The following NMNAT3 variants were observed in gnomAD, a reference collection of about 807,000 sequenced individuals.
NMNAT3 encodes the protein nicotinamide nucleotide adenylyltransferase 3, also known as nicotinamide/nicotinic acid mononucleotide adenylyltransferase 3.
A neutral mutation model predicts 24.8 loss-of-function variants in NMNAT3; 21 were observed. The observed-to-expected ratio is 0.85, with a 90% CI of 0.60 to 1.22. NMNAT3 has a LOEUF of 1.22. NMNAT3 is among the 50% of genes most tolerant of loss of function. NMNAT3 has a pLI of 0.00. For missense variants in NMNAT3, 387 were observed against 436.6 expected (o/e 0.89, Z 1.01); for synonymous variants, 136 against 155.2 (o/e 0.88, Z 0.92).
intron 5 of NMNAT3, among the ~76,000 whole-genome samples, chr3:139,575,036 T>C (rs1266116924): frequency 1.3e-5 from 2 of 152,142 alleles, no homozygotes; most frequent in African/African-American, 4.8e-5. Flanking sequence ...CCAGCCCATA[T>C]ACAGAAAGAG....
chr3:139,661,262 A>G (rs1003822670), intron 1 of NMNAT3, among the ~76,000 whole-genome samples: 4 of 152,244 alleles, frequency 2.6e-5, no homozygotes, highest in Non-Finnish European at 4.4e-5. Context: ...GATTTGCCTT[A>G]CCACGGGCAA....
chr3:139,670,572 G>A (rs1359662693), intron 1 of NMNAT3, among the ~76,000 whole-genome samples: 2 of 152,212 alleles, frequency 1.3e-5, no homozygotes, highest in African/African-American at 4.8e-5. Flanking sequence ...TTAGCCAATT[G>A]AATGAGTTTA....
At chr3:139,633,673 C>T (rs928029715) in intron 2 of NMNAT3, among the ~76,000 whole-genome samples, 4 of 152,066 alleles carry the variant, frequency 2.6e-5, no homozygotes, top group African/African-American at 7.2e-5. Context: ...CAAGGCACAG[C>T]GCTGCGAAGG....
At chr3:139,626,080 A>C (rs2056037751) in intron 3 of NMNAT3, among the ~76,000 whole-genome samples, 1 of 151,946 alleles carries the variant, frequency 6.6e-6, no homozygotes, top group African/African-American at 2.4e-5. Flanking sequence ...AGATTTGATT[A>C]TTATATTTTT....
At chr3:139,642,296 T>C (rs2056732598) in intron 1 of NMNAT3, among the ~76,000 whole-genome samples, 1 of 152,232 alleles carries the variant, frequency 6.6e-6, no homozygotes, top group Non-Finnish European at 1.5e-5. Context: ...CAAAGAGATA[T>C]ACCTCAAGAG....
chr3:139,642,611 G>T (rs1001324264), intron 1 of NMNAT3, among the ~76,000 whole-genome samples: 2 of 152,184 alleles, frequency 1.3e-5, no homozygotes, highest in African/African-American at 4.8e-5. Flanking sequence ...AGGGTAAGCT[G>T]CCTCCAGAAC....
chr3:139,594,558 C>G (rs1278800239), intron 3 of NMNAT3, among the ~76,000 whole-genome samples: 2 of 152,142 alleles, frequency 1.3e-5, no homozygotes, highest in African/African-American at 4.8e-5. Flanking sequence ...ATGCAAAAAT[C>G]CTCAATAAAA....
At chr3:139,574,534 C>T (rs909473317) in intron 5 of NMNAT3, among the ~76,000 whole-genome samples, 3 of 152,222 alleles carry the variant, frequency 2.0e-5, no homozygotes, top group African/African-American at 7.2e-5. Context: ...AACCATTATA[C>T]ACCCCTTCTT....
At chr3:139,601,063 C>G (rs1004699389) in intron 3 of NMNAT3, among the ~76,000 whole-genome samples, 12 of 152,202 alleles carry the variant, frequency 7.9e-5, no homozygotes, top group African/African-American at 2.7e-4. Flanking sequence ...GGAAGAAAGG[C>G]AGCCAGGGAG....
chr3:139,646,196 G>A (rs2056865381), intron 1 of NMNAT3, among the ~76,000 whole-genome samples: 1 of 152,162 alleles, frequency 6.6e-6, no homozygotes, highest in South Asian at 2.1e-4. Context: ...AAAAGTATCA[G>A]TGTTTAGTGT....
At chr3:139,675,006 A>T (rs768055447) in intron 1 of NMNAT3, among the ~76,000 whole-genome samples, 8 of 152,144 alleles carry the variant, frequency 5.3e-5, no homozygotes, top group Non-Finnish European at 1.0e-4. Context: ...AAGTCACACG[A>T]GCAATTTTAT....
rs535567675 is a variant in NMNAT3 at position 139,631,960 on chromosome 3, G to GT, written c.-40-4197dup. ...CTTAGAGGTTTTTTATTTTTTATTT[G>GT]TTTTTTTAAGAGACAGGGTCCCACT... is the stretch of plus-strand genomic sequence containing the variant. On this transcript the variant is annotated intron_variant, in intron 2 of 6. Transcript: ENST00000643695. Among the ~76,000 whole-genome samples, 69 of 151,946 alleles carry GT rather than the reference G, an allele frequency of 4.5e-4. 1 individual carries two copies. In the East Asian group the frequency reaches 0.011, roughly 25 times the overall value.
intron 3 of NMNAT3, among the ~76,000 whole-genome samples, chr3:139,619,359 T>C (rs1313573119): frequency 6.6e-6 from 1 of 152,254 alleles, no homozygotes; most frequent in East Asian, 1.9e-4. Context: ...AAGAGGGTGA[T>C]TGAGGTCATA....
chr3:139,591,547 C>A (rs1369823900), intron 3 of NMNAT3, among the ~76,000 whole-genome samples: 1 of 152,206 alleles, frequency 6.6e-6, no homozygotes, highest in African/African-American at 2.4e-5. Context: ...CAGCAGTAAC[C>A]TCTGCAGACT....
intron 2 of NMNAT3, among the ~76,000 whole-genome samples, chr3:139,630,799 T>A (rs756060128): frequency 9.2e-5 from 14 of 152,022 alleles, no homozygotes; most frequent in Non-Finnish European, 1.9e-4. Context: ...CCCAGGGAGG[T>A]TGGATGGTTT....
intron 3 of NMNAT3, among the ~76,000 whole-genome samples, chr3:139,589,998 T>C (rs1252801590): frequency 6.6e-6 from 1 of 151,910 alleles, no homozygotes; most frequent in African/African-American, 2.4e-5. Flanking sequence ...GCACAGAGAA[T>C]CCCCAGGGAG....
intron 1 of NMNAT3, among the ~76,000 whole-genome samples, chr3:139,676,547 C>A (rs1158081714): frequency 1.3e-5 from 2 of 152,176 alleles, no homozygotes; most frequent in African/African-American, 4.8e-5. Flanking sequence ...AACAGAGAAG[C>A]TTTCCCCTGC....
At chr3:139,630,342 C>T (rs941193865) in intron 2 of NMNAT3, among the ~76,000 whole-genome samples, 1 of 152,182 alleles carries the variant, frequency 6.6e-6, no homozygotes, top group African/African-American at 2.4e-5. Context: ...ACTGGATTAA[C>T]TAATTCACTG....
At position 139,633,463 on chromosome 3, in the gene NMNAT3, A is replaced by C. The variant is rs541223468; in HGVS notation, c.-41+4500T>G. On this transcript the variant is annotated intron_variant, in intron 2 of 6. Coordinates refer to ENST00000643695, the MANE Select transcript of NMNAT3 (RefSeq NM_001320510.2). Reference sequence around the variant, plus strand: ...CCAAAGTGCTGGGATTACAGGCGTGAGCCACTGTGCCCAGCCAAATTTGTG... The same window carrying C: ...CCAAAGTGCTGGGATTACAGGCGTGCGCCACTGTGCCCAGCCAAATTTGTG... 3.9e-5 allele frequency among the ~76,000 whole-genome samples: 6 copies of C among 152,290 alleles called. No homozygotes were observed. In the South Asian group the frequency reaches 1.2e-3, roughly 32 times the overall value.
Sources: gnomAD v4.1 joint callset for allele counts (sites outside exome capture counted in the v4.1 genomes callset) on GRCh38, gnomAD v4.1.1 for gene constraint, MANE v1.5 for transcripts, NCBI Gene and HGNC (gene_info 2026-07-23, HGNC 2026-07-21) for gene names.